Variants in DOCK11 observed in about 807,000 individuals in gnomAD.
DOCK11 encodes the protein dedicator of cytokinesis 11.
A neutral mutation model predicts 169.1 loss-of-function variants in DOCK11; 70 were observed. That is an observed-to-expected ratio of 0.41 (90% confidence interval 0.34 to 0.51). The LOEUF (loss-of-function observed/expected upper bound fraction) is 0.51, where lower values mean the gene tolerates loss of function less well. Ranked by LOEUF, DOCK11 falls within the 20% of genes least tolerant of loss-of-function variation. The pLI is 0.10. For synonymous variants in DOCK11, 529 were observed against 541.3 expected (o/e 0.98, Z 0.32); for missense variants, 1,166 against 1,538.8 (o/e 0.76, Z 4.05).
chrX:118,649,035 A>G lies in DOCK11; in HGVS notation c.4489A>G (p.Thr1497Ala). The change falls in exon 41 of 53, where the codon ACC becomes GCC. Residue 1497 changes from threonine to alanine, a missense_variant. Transcript: ENST00000276202. ...GTGCTGCACATCGAAGATTAGCTCA[A>G]CCAGGAATGAAGCATCTGCACTTTT... is the stretch of plus-strand genomic sequence containing the variant. ...LKCCTSKISS[T>A]RNEASALLYL... The G allele has an allele frequency of 8.3e-7, 1 of 1,209,058 alleles. No individual in the cohort carries two copies. The highest frequency in any genetic ancestry group is 1.1e-6 in the Non-Finnish European group (1 of 893,691).
chrX:118,515,196 C>T (rs1023538212), intron 1 of DOCK11, among the ~76,000 whole-genome samples: 4 of 111,816 alleles, frequency 3.6e-5, no homozygotes, highest in Admixed American at 1.9e-4. Context: ...CCCAATAATC[C>T]GGATGCGCTC....
At chrX:118,672,657 G>C (rs934946023) in intron 46 of DOCK11, among the ~76,000 whole-genome samples, 11 of 112,438 alleles carry the variant, frequency 9.8e-5, no homozygotes, top group South Asian at 3.6e-4. Context: ...AGATGGTCTC[G>C]ATCTCCTGAC....
intron 19 of DOCK11, 74 bp downstream of exon 19, chrX:118,590,376 A>G (rs1425107883): frequency 7.1e-6 from 6 of 846,138 alleles, no homozygotes; most frequent in Non-Finnish European, 8.6e-6. Context: ...CATTTTCATC[A>G]TTTTACCAGC....
chrX:118,647,746 TATA>T (rs1296856857), intron 40 of DOCK11, among the ~76,000 whole-genome samples: 7 of 53,334 alleles, frequency 1.3e-4, no homozygotes, highest in African/African-American at 5.2e-4. Flanking sequence ...TAATATAATA[TATA>T]ATAATATATA....
At chrX:118,518,624 A>T (rs1239503406) in intron 1 of DOCK11, among the ~76,000 whole-genome samples, 1 of 112,056 alleles carries the variant, frequency 8.9e-6, no homozygotes, top group Non-Finnish European at 1.9e-5. Flanking sequence ...AAATGAAGGG[A>T]TGAATAAGTG....
At position 118,671,132 on chromosome X, in the gene DOCK11, G is replaced by A. The variant is rs1385641477; in HGVS notation, c.5186G>A (p.Arg1729His). 1 of 1,204,632 alleles carries A rather than the reference G, an allele frequency of 8.3e-7. No individual in the cohort carries two copies. The highest frequency in any genetic ancestry group is 1.1e-6 in the Non-Finnish European group (1 of 891,410). The change falls in exon 46 of 53, where the codon CGT (arginine) becomes CAT (histidine). Residue 1729 changes from arginine (R) to histidine (H), a missense_variant. Coordinates refer to ENST00000276202, the MANE Select transcript of DOCK11 (RefSeq NM_144658.4). ...TTGATCGTTCCAATTTATGAGAAAC[G>A]TCGTGAGTTTGAGGTAGGCAATTTG... ...SKLIVPIYEK[R>H]REFEKLTQVY...
chrX:118,590,872 T>C (rs953487267), intron 19 of DOCK11, among the ~76,000 whole-genome samples: 6 of 111,603 alleles, frequency 5.4e-5, no homozygotes, highest in African/African-American at 2.0e-4. Flanking sequence ...GCCTCTCAAA[T>C]TGTGTCTCTG....
In DOCK11 at chrX:118,554,712, G is replaced by A. The variant is rs886304772; in HGVS notation, c.559-6671G>A. On this transcript the variant is annotated intron_variant, in intron 6 of 52. Transcript: ENST00000276202. ...TGAAGAAGGCGGGGCCTCGAAGGAAGTGAATCAGAAAGGAGAAAGTGAGTG... is the reference window on the plus strand; with the variant it reads ...TGAAGAAGGCGGGGCCTCGAAGGAAATGAATCAGAAAGGAGAAAGTGAGTG... 2.7e-5 allele frequency among the ~76,000 whole-genome samples: 3 copies of A among 111,855 alleles called. No homozygotes were observed. The Admixed American group carries it at 2.8e-4, about 11-fold the overall frequency.
intron 46 of DOCK11, among the ~76,000 whole-genome samples, chrX:118,674,949 CCTT>C (rs778341844): frequency 8.9e-6 from 1 of 111,931 alleles, no homozygotes; most frequent in South Asian, 3.7e-4. Flanking sequence ...CTTTTCGTGT[CCTT>C]CTTGGCTGCT....
intron 1 of DOCK11, among the ~76,000 whole-genome samples, chrX:118,511,458 G>T (rs2057650654): frequency 8.9e-6 from 1 of 112,174 alleles, no homozygotes; most frequent in Non-Finnish European, 1.9e-5. Context: ...ATGTGAAAGG[G>T]TATTAACTGT....
intron 10 of DOCK11, among the ~76,000 whole-genome samples, chrX:118,571,349 A>G (rs1040280833): frequency 2.7e-5 from 3 of 110,288 alleles, no homozygotes; most frequent in African/African-American, 9.9e-5. Context: ...CCACTGTGTT[A>G]ATCTTTTTTT....
At position 118,581,766 on chromosome X, in the gene DOCK11, G is replaced by A. The variant is rs778825205; in HGVS notation, c.1595+1587G>A. Among the ~76,000 whole-genome samples the A allele has an allele frequency of 5.0e-4, 44 of 88,470 alleles. 1 individual carries two copies. Among genetic ancestry groups the A allele is most frequent in the African/African-American group, 1.8e-3 (41 of 22,471 alleles). 76.8% of individuals were successfully genotyped at this position (88,470 alleles called of 115,157 possible). The stretch of plus-strand genomic sequence containing the variant: ...TTGCAGTGAGCAGAGATTGCGCCAC[G>A]GCACTCCAGCCTGGGCGACAGAGCG... On this transcript the variant is annotated intron_variant, in intron 14 of 52. Coordinates refer to ENST00000276202, the MANE Select transcript of DOCK11 (RefSeq NM_144658.4).
At chrX:118,516,396 CCTCCT>C (rs1286993526) in intron 1 of DOCK11, among the ~76,000 whole-genome samples, 2 of 67,842 alleles carry the variant, frequency 2.9e-5, no homozygotes, top group Non-Finnish European at 2.5e-5. Context: ...CACCCGGCCT[CCTCCT>C]CTCCTCTCCT....
chrX:118,607,283 A>G (rs1324784093), intron 24 of DOCK11, among the ~76,000 whole-genome samples: 1 of 102,478 alleles, frequency 9.8e-6, no homozygotes, highest in Non-Finnish European at 2.0e-5. Flanking sequence ...CACCCAGCTA[A>G]TTTTTGTATT....
At chrX:118,659,156 T>A (rs1321117913) in intron 44 of DOCK11, among the ~76,000 whole-genome samples, 3 of 111,487 alleles carry the variant, frequency 2.7e-5, no homozygotes. Flanking sequence ...CCATCCTTTT[T>A]AATCAAGGGT....
rs193299417 is a variant in DOCK11, at chrX:118,510,582, A to G, written c.102+14509A>G. Among the ~76,000 whole-genome samples the G allele has an allele frequency of 6.3e-5, 7 of 111,315 alleles. No homozygotes were observed. The East Asian group carries it at 1.7e-3, about 27-fold the overall frequency. ...CAGTTAAAGAAAAGAGCAAAGAGGT[A>G]GGGGTGTGTGTGGGTGTGTGGATGT... On this transcript the variant is annotated intron_variant, in intron 1 of 52. Transcript: ENST00000276202.
At chrX:118,571,949 T>C (rs2110363) in intron 10 of DOCK11, among the ~76,000 whole-genome samples, 33,132 of 110,547 alleles carry the variant, frequency 0.3, 4,131 homozygotes, top group East Asian at 0.51. Context: ...AGTGTCCTTG[T>C]TGTGCTGGCA....
chrX:118,505,270 G>A (rs775472065), intron 1 of DOCK11, among the ~76,000 whole-genome samples: 4 of 111,919 alleles, frequency 3.6e-5, no homozygotes, highest in Non-Finnish European at 7.5e-5. Context: ...CAAATGATCC[G>A]CCTGCCTCGG....
chrX:118,536,647 G>T (rs1436005330), intron 1 of DOCK11, among the ~76,000 whole-genome samples: 1 of 111,662 alleles, frequency 9.0e-6, no homozygotes, highest in African/African-American at 3.3e-5. Flanking sequence ...CTATCAAAGG[G>T]CATGATAGAT....
Sources: allele counts gnomAD v4.1 joint callset (sites outside exome capture counted in the v4.1 genomes callset), GRCh38; gene constraint gnomAD v4.1.1; transcripts MANE v1.5; gene names NCBI Gene and HGNC (gene_info 2026-07-23, HGNC 2026-07-21).